The following UNC13C variants were observed in gnomAD, a reference collection of about 807,000 sequenced individuals.
UNC13C encodes protein unc-13 homolog C.
UNC13C carries 174 observed loss-of-function variants against 245.4 expected under a neutral mutation model. The ratio of observed to expected loss-of-function variants is 0.71; its 90% CI spans 0.63 to 0.80. UNC13C has a LOEUF of 0.80. Among genes scored for constraint, UNC13C ranks in the 30% least tolerant of loss-of-function variants. UNC13C has a pLI of 0.00. For missense variants in UNC13C, 2,829 were observed against 2,602.9 expected, an observed-to-expected ratio of 1.09 and a Z score of -1.89; for synonymous variants, 992 against 895.1, an observed-to-expected ratio of 1.11 and a Z score of -1.93.
intron 30 of UNC13C, among the ~76,000 whole-genome samples, chr15:54,595,957 A>G (rs1899056224): frequency 6.6e-6 from 1 of 152,246 alleles, no homozygotes; most frequent in South Asian, 2.1e-4. Context: ...TCTTCAAAGC[A>G]TAAGAAATAT....
chr15:54,163,767 A>G (rs2033062548), intron 4 of UNC13C, among the ~76,000 whole-genome samples: 1 of 152,190 alleles, frequency 6.6e-6, no homozygotes, highest in Admixed American at 6.5e-5. Context: ...TCTTTTTTGT[A>G]ATCATGAGTT....
At chr15:54,370,193 A>G (rs1325919615) in intron 17 of UNC13C, among the ~76,000 whole-genome samples, 2 of 152,110 alleles carry the variant, frequency 1.3e-5, no homozygotes, top group Non-Finnish European at 2.9e-5. Flanking sequence ...GTGGCTTGCT[A>G]CATCTTTTCA....
chr15:53,860,583 C>G, the UNC13C span, among the ~76,000 whole-genome samples: 1 of 152,126 alleles, frequency 6.6e-6, no homozygotes, highest in African/African-American at 2.4e-5. Context: ...CTTAGAATGA[C>G]CTGAAATAGC....
Position 54,322,066 on chromosome 15 carries a change from T to C in UNC13C, c.4396T>C (p.Ser1466Pro). 1 of 1,584,604 alleles carries C rather than the reference T, an allele frequency of 6.3e-7. No homozygotes were observed. The highest frequency in any genetic ancestry group is 1.2e-5 in the South Asian group (1 of 86,188). Residue 1466 changes from serine to proline, a missense_variant, in exon 14 of 33, where the codon TCA becomes CCA. Ser to Pro is a moderately conservative substitution (Grantham distance 74). Transcript: ENST00000260323. Reference protein sequence around the residue: ...TVSTNIQVSASDRFAATNFGR... With the variant: ...TVSTNIQVSAPDRFAATNFGR... Reference sequence around the variant, plus strand: ...TTCAACAAACATACAGGTTTCTGCCTCAGATCGATTTGCTGCTACCAACTT... The same window carrying C: ...TTCAACAAACATACAGGTTTCTGCCCCAGATCGATTTGCTGCTACCAACTT...
intron 17 of UNC13C, among the ~76,000 whole-genome samples, chr15:54,343,094 A>G (rs2038773035): frequency 6.6e-6 from 1 of 152,042 alleles, no homozygotes; most frequent in Admixed American, 6.5e-5. Context: ...CCTAAAGGCT[A>G]AGATTGAAAC....
At chr15:54,608,400 C>T (rs1314786494) in intron 30 of UNC13C, among the ~76,000 whole-genome samples, 1 of 152,102 alleles carries the variant, frequency 6.6e-6, no homozygotes, top group Non-Finnish European at 1.5e-5. Flanking sequence ...TTGCCCAGAG[C>T]ACAGGTATGT....
chr15:54,152,016 C>A (rs1405348369), intron 4 of UNC13C, among the ~76,000 whole-genome samples: 1 of 152,204 alleles, frequency 6.6e-6, no homozygotes, highest in Non-Finnish European at 1.5e-5. Flanking sequence ...TCACGCACTT[C>A]CAAAGGACTA....
intron 17 of UNC13C, among the ~76,000 whole-genome samples, chr15:54,385,551 G>A (rs368904098): frequency 1.3e-5 from 2 of 152,050 alleles, no homozygotes; most frequent in Non-Finnish European, 2.9e-5. Flanking sequence ...GGTGGGTTGT[G>A]GCGAGGGTTG....
chr15:54,015,518 C>A lies in UNC13C; in HGVS notation c.2615C>A (p.Ala872Asp), dbSNP rs552580740. The A allele has an allele frequency of 2.5e-6, 4 of 1,612,772 alleles. No individual in the cohort carries two copies. Among genetic ancestry groups the A allele is most frequent in the Admixed American group, 3.3e-5 (2 of 59,972 alleles). ...EDEEDYTEPV[A>D]DNETDYVEVM... ...GAGGAAGATTATACTGAACCAGTGG[C>A]TGACAATGAAACAGATTATGTTGAA... The change falls in exon 2 of 33, where the codon GCT becomes GAT. Residue 872 changes from alanine (A) to aspartate (D), a missense_variant. By Grantham distance (126) the Ala-to-Asp change is moderately radical. Coordinates refer to ENST00000260323, the MANE Select transcript of UNC13C (RefSeq NM_001080534.3).
chr15:54,052,161 T>C (rs1375102473), intron 2 of UNC13C, among the ~76,000 whole-genome samples: 11 of 103,426 alleles, frequency 1.1e-4, no homozygotes, highest in Non-Finnish European at 1.4e-4. Flanking sequence ...CAGTCTATCA[T>C]TGTTGGACAT....
At chr15:54,047,698 G>A (rs902136512) in intron 2 of UNC13C, among the ~76,000 whole-genome samples, 31 of 152,236 alleles carry the variant, frequency 2.0e-4, no homozygotes, top group African/African-American at 7.5e-4. Flanking sequence ...TAATGCTGCT[G>A]TGAACTTTGG....
upstream of UNC13C, among the ~76,000 whole-genome samples, chr15:53,973,229 G>A (rs1035544391): frequency 1.1e-4 from 17 of 152,092 alleles, no homozygotes; most frequent in Admixed American, 7.2e-4. Context: ...TGGAAACGTC[G>A]CCATTATGAA....
intron 17 of UNC13C, among the ~76,000 whole-genome samples, chr15:54,338,826 T>C (rs60124922): frequency 0.2 from 29,780 of 152,128 alleles, 3,654 homozygotes; most frequent in East Asian, 0.66. Context: ...CCTGTTTCTA[T>C]GTCCTTCCCC....
rs749125502 is a variant in UNC13C at position 54,235,077 on chromosome 15, GA to G, written c.3127del (p.Thr1043LeufsTer10). 4.3e-6 allele frequency: 7 copies of G among 1,613,582 alleles called. No homozygotes were observed. The highest frequency in any genetic ancestry group is 1.7e-5 in the Admixed American group (1 of 59,996). On this transcript the variant is annotated frameshift_variant, in exon 5 of 33. Coordinates refer to ENST00000260323, the MANE Select transcript of UNC13C (RefSeq NM_001080534.3). LOFTEE classifies it high-confidence loss of function. ...ATTGACAGCATGCCGGATCTTCGCA[GA>G]AAAAAAACTTTGCCTATTGTCCGAG... ...YGIDSMPDLR[R>X]KKTLPIVRDV...
intron 20 of UNC13C, among the ~76,000 whole-genome samples, chr15:54,499,077 T>C (rs1894084084): frequency 6.6e-6 from 1 of 152,120 alleles, no homozygotes; most frequent in Non-Finnish European, 1.5e-5. Flanking sequence ...ATAGGTTTAA[T>C]TGGCTCACAG....
chr15:54,055,106 T>G (rs1309761536), intron 2 of UNC13C, among the ~76,000 whole-genome samples: 1 of 152,186 alleles, frequency 6.6e-6, no homozygotes, highest in African/African-American at 2.4e-5. Context: ...ATTTTCTCTG[T>G]GACTACAATG....
At chr15:53,958,289 T>C in the UNC13C span, among the ~76,000 whole-genome samples, 2 of 152,208 alleles carry the variant, frequency 1.3e-5, no homozygotes, top group South Asian at 4.1e-4. Context: ...CCGAAAACCA[T>C]TCTCAAATTT....
the UNC13C span, among the ~76,000 whole-genome samples, chr15:53,896,320 T>C: frequency 6.6e-6 from 1 of 152,192 alleles, no homozygotes; most frequent in African/African-American, 2.4e-5. Flanking sequence ...GATCTAATAA[T>C]GAATTGTGCC....
chr15:54,195,180 C>A (rs956055408), intron 4 of UNC13C, among the ~76,000 whole-genome samples: 18 of 149,100 alleles, frequency 1.2e-4, no homozygotes, highest in Admixed American at 6.0e-4. Context: ...GAATTTCAAT[C>A]CTGGTTATTC....
Sources: allele counts gnomAD v4.1 joint callset (sites outside exome capture counted in the v4.1 genomes callset), GRCh38; gene constraint gnomAD v4.1.1; transcripts MANE v1.5; gene names NCBI Gene and HGNC (gene_info 2026-07-23, HGNC 2026-07-21).